The following KIF21B variants were observed in gnomAD, a reference collection of about 807,000 sequenced individuals.
KIF21B encodes kinesin-like protein KIF21B.
KIF21B carries 85 observed loss-of-function variants against 192.9 expected under a neutral mutation model. That is an observed-to-expected ratio of 0.44 (90% CI 0.37 to 0.53). KIF21B has a LOEUF of 0.53. Ranked by LOEUF, KIF21B falls within the 20% of genes least tolerant of loss-of-function variation. KIF21B has a pLI of 0.00. For missense variants in KIF21B, 1,716 were observed against 2,194.8 expected (o/e 0.78, Z 4.36); for synonymous variants, 832 against 884.6 (o/e 0.94, Z 1.05).
intron 9 of KIF21B, 138 bp downstream of exon 9, chr1:201,002,023 A>G (rs1471242224): frequency 1.4e-6 from 1 of 696,276 alleles, no homozygotes; most frequent in Non-Finnish European, 2.4e-6. Context: ...TTTAAAATCA[A>G]GTGAAAAAAA....
chr1:200,991,100 C>G lies in KIF21B; in HGVS notation c.2504G>C (p.Gly835Ala). The part of the protein sequence containing the change: ...LAKPMSERVA[G>A]RAGLKPPMLD... Reference sequence around the variant, plus strand: ...CATGGGTGGCTTTAGTCCTGCACGCCCTGCCACCCGCTCAGACATGGGCTT... The same window carrying G: ...CATGGGTGGCTTTAGTCCTGCACGCGCTGCCACCCGCTCAGACATGGGCTT... The change falls in exon 18 of 35, where the codon GGG becomes GCG. Residue 835 changes from glycine (G) to alanine (A), a missense_variant. Physicochemically the swap from Gly to Ala is moderately conservative, Grantham distance 60. This residue lies in a region of KIF21B where 1,087 missense variants were observed against 1,316.6 expected (regional missense o/e 0.83). Coordinates refer to ENST00000461742, the MANE Select transcript of KIF21B (RefSeq NM_001252102.2). 8.7e-6 allele frequency: 14 copies of G among 1,613,926 alleles called. No homozygotes were observed. Among genetic ancestry groups the G allele is most frequent in the Non-Finnish European group, 1.2e-5 (14 of 1,180,006 alleles).
At chr1:200,993,278 T>A (rs1280095168) in intron 15 of KIF21B, among the ~76,000 whole-genome samples, 2 of 152,224 alleles carry the variant, frequency 1.3e-5, no homozygotes, top group Non-Finnish European at 2.9e-5. Context: ...ACCTTCCAAG[T>A]GACAGGGGCA....
At chr1:201,018,741 G>C (rs1185604445) in intron 1 of KIF21B, among the ~76,000 whole-genome samples, 1 of 152,190 alleles carries the variant, frequency 6.6e-6, no homozygotes, top group Non-Finnish European at 1.5e-5. Flanking sequence ...GGATGCTGTA[G>C]GCACAGAGTA....
In KIF21B at chr1:200,991,010, G is replaced by C. The variant is rs775695479; in HGVS notation, c.2594C>G (p.Ser865Cys). The C allele has an allele frequency of 9.3e-6, 15 of 1,614,086 alleles. No individual in the cohort carries two copies. Among genetic ancestry groups the C allele is most frequent in the Admixed American group, 1.7e-5 (1 of 60,010 alleles). Reference protein sequence around the residue: ...TSSEAESGARSVSSIVRQWNR... With the variant: ...TSSEAESGARCVSSIVRQWNR... ...CCACTGGCGCACGATGCTGGAGACA[G>C]AGCGGGCCCCTGATTCAGCCTCAGA... Residue 865 changes from serine (S) to cysteine (C), a missense_variant, in exon 18 of 35, where the codon TCT becomes TGT. Physicochemically the swap from Ser to Cys is moderately radical, Grantham distance 112. Around this residue, in one of 3 missense-constraint regions of KIF21B, gnomAD observed 1,087 missense variants for 1,316.6 expected, o/e 0.83. Coordinates refer to ENST00000461742, the MANE Select transcript of KIF21B (RefSeq NM_001252102.2).
intron 5 of KIF21B, 120 bp from the exon 6 acceptor site, chr1:201,005,053 T>C (rs749981046): frequency 8.5e-7 from 1 of 1,174,730 alleles, no homozygotes; most frequent in Middle Eastern, 2.6e-4. Context: ...CCTTCGCACA[T>C]GCAGAGCATC....
intron 4 of KIF21B, 51 bp downstream of exon 4, chr1:201,005,494 T>C: frequency 1.3e-6 from 2 of 1,597,514 alleles, no homozygotes; most frequent in Non-Finnish European, 1.7e-6. Flanking sequence ...TGCCAGCCCC[T>C]GCCCTTTCAG....
chr1:200,988,466 C>T lies in KIF21B; in HGVS notation c.3350+27G>A, dbSNP rs760304941. 5 of 1,611,082 alleles carry T rather than the reference C, an allele frequency of 3.1e-6. No homozygotes were observed. In the East Asian group the frequency reaches 1.1e-4, roughly 36 times the overall value. ...GCCCCAGGTACATGCTGTGAGCCAG[C>T]CTCTCACTCCCAGCTTGCAAACTCA... On this transcript the variant is annotated intron_variant, in intron 23 of 34. Coordinates refer to ENST00000461742, the MANE Select transcript of KIF21B (RefSeq NM_001252102.2).
intron 3 of KIF21B, among the ~76,000 whole-genome samples, chr1:201,006,588 A>G (rs1039592666): frequency 6.6e-6 from 1 of 152,120 alleles, no homozygotes; most frequent in Non-Finnish European, 1.5e-5. Context: ...GGGGCCTACA[A>G]TATCTGTCTG....
At chr1:200,974,218 CAG>C (rs1462869662) in intron 34 of KIF21B, 4 of 1,527,714 alleles carry the variant, frequency 2.6e-6, no homozygotes, top group East Asian at 4.5e-5. Context: ...GAGGCGAGGA[CAG>C]AGAGGAGAGG....
In KIF21B at chr1:201,003,478, G is replaced by T. The variant is rs1276391249; in HGVS notation, c.1212+108C>A. 29 of 1,069,096 alleles carry T rather than the reference G, an allele frequency of 2.7e-5. No homozygotes were observed. The East Asian group carries it at 6.6e-4, about 24-fold the overall frequency. 66.2% of individuals were successfully genotyped at this position (1,069,096 alleles called of 1,614,324 possible). A position where few individuals can be genotyped will look rare whatever the true frequency, so the allele number is the denominator to read the frequency against. On this transcript the variant is annotated intron_variant, in intron 8 of 34. Coordinates refer to ENST00000461742, the MANE Select transcript of KIF21B (RefSeq NM_001252102.2). The stretch of plus-strand genomic sequence containing the variant: ...GTCCAAAGTGGATGATGGTAATAGG[G>T]AGGTGGGAGGGATGCTGAGGAAGTT...
Position 200,998,362 on chromosome 1 carries a change from A to G in KIF21B, c.2077+22T>C, listed in dbSNP as rs10920089. 806,422 of 1,595,238 alleles carry G rather than the reference A, an allele frequency of 0.51. 210,243 individuals carry two copies. Among genetic ancestry groups the G allele is most frequent in the African/African-American group, 0.83 (61,834 of 74,592 alleles). On this transcript the variant is annotated intron_variant, in intron 14 of 34. Coordinates refer to ENST00000461742, the MANE Select transcript of KIF21B (RefSeq NM_001252102.2). The surrounding 1 kb of genome is among the most constrained non-coding windows in gnomAD (Gnocchi z 4.3). Reference sequence around the variant, plus strand: ...AAAAGGGAGGGTCCGGATGGGGTGGAGGGGCATGGCGGTGGCCTCACTGAG... The same window carrying G: ...AAAAGGGAGGGTCCGGATGGGGTGGGGGGGCATGGCGGTGGCCTCACTGAG...
chr1:201,019,501 A>G (rs1173271480), intron 1 of KIF21B, among the ~76,000 whole-genome samples: 1 of 152,116 alleles, frequency 6.6e-6, no homozygotes, highest in Admixed American at 6.5e-5. Context: ...GGTTGCAAAA[A>G]TAAGCATGCC....
intron 15 of KIF21B, among the ~76,000 whole-genome samples, chr1:200,994,437 G>T (rs548818569): frequency 6.6e-6 from 1 of 152,302 alleles, no homozygotes; most frequent in Admixed American, 6.5e-5. Context: ...AGAAAACCTA[G>T]GCCCCTCCTG....
rs1655453795 is a variant in KIF21B at position 200,975,064 on chromosome 1, A to G, written c.4615-151T>C. On this transcript the variant is annotated intron_variant, in intron 33 of 34. Coordinates refer to ENST00000461742, the MANE Select transcript of KIF21B (RefSeq NM_001252102.2). This position sits in a 1 kb window ranked among gnomAD's most constrained non-coding sequence, Gnocchi z 4.3. Reference sequence around the variant, plus strand: ...GCGGGTGACACTGGTTCCAGGAGCCATGCTGGGGTGGCCTGTGCTGTGGGC... The same window carrying G: ...GCGGGTGACACTGGTTCCAGGAGCCGTGCTGGGGTGGCCTGTGCTGTGGGC... 1.3e-6 allele frequency: 1 copy of G among 751,288 alleles called. No homozygotes were observed. Among genetic ancestry groups the G allele is most frequent in the East Asian group, 2.7e-5 (1 of 37,662 alleles). 46.5% of individuals were successfully genotyped at this position (751,288 alleles called of 1,614,324 possible).
intron 1 of KIF21B, among the ~76,000 whole-genome samples, chr1:201,010,584 C>G (rs1423139728): frequency 2.6e-5 from 4 of 152,192 alleles, no homozygotes; most frequent in Admixed American, 6.5e-5. Flanking sequence ...GGGTTAGGCT[C>G]TCATGCCCAT....
intron 1 of KIF21B, among the ~76,000 whole-genome samples, chr1:201,018,405 G>C (rs184827650): frequency 6.6e-6 from 1 of 152,328 alleles, no homozygotes; most frequent in East Asian, 1.9e-4. Flanking sequence ...GCAGCCCCAT[G>C]CTGCTAAGCA....
chr1:201,022,237 CT>C (rs67202303), intron 1 of KIF21B, among the ~76,000 whole-genome samples: 5,640 of 152,194 alleles, frequency 0.037, 225 homozygotes, highest in East Asian at 0.11. Context: ...GAGCAACCTC[CT>C]AGGACCCCTG....
At position 201,004,379 on chromosome 1, in the gene KIF21B, T is replaced by G; in HGVS notation, c.977A>C (p.Lys326Thr). The change falls in exon 7 of 35, where the codon AAG (lysine) becomes ACG (threonine). Residue 326 changes from lysine (K) to threonine (T), a missense_variant. Lys to Thr is a moderately conservative substitution (Grantham distance 78). This residue lies in a region of KIF21B where 1,087 missense variants were observed against 1,316.6 expected (regional missense o/e 0.83). Coordinates refer to ENST00000461742, the MANE Select transcript of KIF21B (RefSeq NM_001252102.2). ...KVVHVPYRDS[K>T]LTRLLQDSLG... ...CGAATCCTGGAGGAGCCGAGTGAGC[T>G]TGGAGTCCCTGTAGGGAACGTGCAC... 1 of 1,578,454 alleles carries G rather than the reference T, an allele frequency of 6.3e-7. No individual in the cohort carries two copies. Among genetic ancestry groups the G allele is most frequent in the South Asian group, 1.2e-5 (1 of 85,964 alleles).
In KIF21B at chr1:200,990,680, C is replaced by T. The variant is rs377123925; in HGVS notation, c.2731G>A (p.Ala911Thr). The T allele has an allele frequency of 3.7e-6, 6 of 1,614,042 alleles. No individual in the cohort carries two copies. The African/African-American group carries it at 8.0e-5, about 22-fold the overall frequency. ...KKGASQSFSK[A>T]ARLKWQSLER... Reference sequence around the variant, plus strand: ...AGGGACTGCCACTTGAGCCTTGCCGCCTTACTGAAGCTCTGGCTGGCCCCC... The same window carrying T: ...AGGGACTGCCACTTGAGCCTTGCCGTCTTACTGAAGCTCTGGCTGGCCCCC... Residue 911 changes from alanine to threonine, a missense_variant, in exon 19 of 35, where the codon GCG becomes ACG. Ala to Thr is a moderately conservative substitution (Grantham distance 58). Around this residue, in one of 3 missense-constraint regions of KIF21B, gnomAD observed 1,087 missense variants for 1,316.6 expected, o/e 0.83. Coordinates refer to ENST00000461742, the MANE Select transcript of KIF21B (RefSeq NM_001252102.2). The surrounding 1 kb of genome is among the most constrained non-coding windows in gnomAD (Gnocchi z 5.4).
Sources: allele counts gnomAD v4.1 joint callset (sites outside exome capture counted in the v4.1 genomes callset), GRCh38; gene constraint gnomAD v4.1.1; regional missense constraint gnomAD v4.1.1; non-coding constraint Gnocchi (gnomAD v3.1); transcripts MANE v1.5; gene names NCBI Gene and HGNC (gene_info 2026-07-23, HGNC 2026-07-21).